The following TLL2 variants were observed in gnomAD, a reference collection of about 807,000 sequenced individuals.
TLL2 encodes tolloid-like protein 2.
A neutral mutation model predicts 123.0 loss-of-function variants in TLL2; 106 were observed. The ratio of observed to expected loss-of-function variants is 0.86; its 90% CI spans 0.74 to 1.01. The LOEUF is 1.01. TLL2 is among the 50% of genes least tolerant of loss of function. The pLI, the probability that TLL2 is intolerant of heterozygous loss-of-function variation, is 0.00. For missense variants in TLL2, 1,332 were observed against 1,336.7 expected (o/e 1.00, Z 0.06); for synonymous variants, 494 against 516.8 (o/e 0.96, Z 0.60).
Position 96,387,065 on chromosome 10 carries a change from A to G in TLL2, c.1740T>C (p.Cys580=), listed in dbSNP as rs762749311. 27 of 1,613,588 alleles carry G rather than the reference A, an allele frequency of 1.7e-5. No individual in the cohort carries two copies. Among genetic ancestry groups the G allele is most frequent in the Non-Finnish European group, 2.3e-5 (27 of 1,179,656 alleles). The change falls in exon 14 of 21, where the codon TGT becomes TGC. Residue 580 remains cysteine, a synonymous_variant. Transcript: ENST00000357947. ...CGCACCCGCCGTGATCTGGCCAGGA[A>G]CACTCATCCACCTCTGGTGGGGAAG... The part of the protein sequence containing the change: ...AANFFKEVDE[C]SWPDHGGCEH...
chr10:96,470,996 GA>G (rs1847176040), intron 2 of TLL2, among the ~76,000 whole-genome samples: 1 of 152,048 alleles, frequency 6.6e-6, no homozygotes, highest in Non-Finnish European at 1.5e-5. Context: ...GACAACTTGG[GA>G]AGTCTTTTTT....
chr10:96,419,580 C>T (rs1409235479), intron 7 of TLL2, among the ~76,000 whole-genome samples: 2 of 152,124 alleles, frequency 1.3e-5, no homozygotes, highest in Non-Finnish European at 2.9e-5. Flanking sequence ...CAAGTGCTGT[C>T]GAAGATGCCA....
At chr10:96,431,789 C>T (rs1050599599) in intron 4 of TLL2, among the ~76,000 whole-genome samples, 3 of 152,006 alleles carry the variant, frequency 2.0e-5, no homozygotes, top group Non-Finnish European at 4.4e-5. Flanking sequence ...GACAGGGAGG[C>T]GCTGGTGGGG....
rs1351768295 is a variant in TLL2 at position 96,411,012 on chromosome 10, CGGGT to C, written c.1049-542_1049-539del. Among the ~76,000 whole-genome samples the C allele has an allele frequency of 2.6e-5, 4 of 152,076 alleles. No homozygotes were observed. In the East Asian group the frequency reaches 7.7e-4, roughly 29 times the overall value. ...ATCTCAGCACTTTGGGAGGCCAAGG[CGGGT>C]GGGTCATTTGAGGTCAGGAGTTCGA... On this transcript the variant is annotated intron_variant, in intron 8 of 20. Transcript: ENST00000357947.
intron 3 of TLL2, 65 bp from the exon 4 acceptor site, chr10:96,433,027 T>A (rs757701350): frequency 3.2e-5 from 50 of 1,569,984 alleles, no homozygotes; most frequent in African/African-American, 4.0e-5. Flanking sequence ...ATGGCTGAGG[T>A]TGTATTATCC....
chr10:96,512,479 G>A (rs1181883009), intron 1 of TLL2, among the ~76,000 whole-genome samples: 1 of 152,152 alleles, frequency 6.6e-6, no homozygotes, highest in Admixed American at 6.5e-5. Context: ...CACAGCCCCG[G>A]GAAGGAGCAC....
At position 96,480,339 on chromosome 10, in the gene TLL2, C is replaced by G; in HGVS notation, c.286+10G>C. The G allele has an allele frequency of 6.2e-7, 1 of 1,611,594 alleles. No homozygotes were observed. Among genetic ancestry groups the G allele is most frequent in the Non-Finnish European group, 8.5e-7 (1 of 1,177,690 alleles). On this transcript the variant is annotated intron_variant, in intron 2 of 20. Coordinates refer to ENST00000357947, the MANE Select transcript of TLL2 (RefSeq NM_012465.4). Reference sequence around the variant, plus strand: ...CATCTGGGCAGGAGAAGGGAGGAAGCAGTACCTACCTGTGCTGTGTCCTGT... The same window carrying G: ...CATCTGGGCAGGAGAAGGGAGGAAGGAGTACCTACCTGTGCTGTGTCCTGT...
chr10:96,503,561 A>C (rs1847553468), intron 1 of TLL2, among the ~76,000 whole-genome samples: 1 of 152,172 alleles, frequency 6.6e-6, no homozygotes, highest in Admixed American at 6.5e-5. Flanking sequence ...TTATCAGCCA[A>C]GCCTCCTTGG....
chr10:96,391,780 G>A (rs1846291450), intron 13 of TLL2, among the ~76,000 whole-genome samples: 1 of 152,146 alleles, frequency 6.6e-6, no homozygotes, highest in Non-Finnish European at 1.5e-5. Context: ...CATGGTCAAG[G>A]TCAATGTTGT....
intron 1 of TLL2, among the ~76,000 whole-genome samples, chr10:96,484,590 TACACAC>T (rs56286214): frequency 0.19 from 28,326 of 145,810 alleles, 2,836 homozygotes; most frequent in East Asian, 0.41. Flanking sequence ...TACACATAAG[TACACAC>T]ACACACACAC....
At chr10:96,500,604 G>A (rs1847524940) in intron 1 of TLL2, among the ~76,000 whole-genome samples, 1 of 152,148 alleles carries the variant, frequency 6.6e-6, no homozygotes, top group South Asian at 2.1e-4. Flanking sequence ...GACCAGCCTA[G>A]GCAAAATGGC....
At chr10:96,399,226 A>C (rs1350931401) in intron 10 of TLL2, among the ~76,000 whole-genome samples, 1 of 152,094 alleles carries the variant, frequency 6.6e-6, no homozygotes, top group Admixed American at 6.5e-5. Flanking sequence ...CATGCTAAAA[A>C]CCATTGACTG....
At chr10:96,509,145 A>G (rs1301866814) in intron 1 of TLL2, among the ~76,000 whole-genome samples, 1 of 152,204 alleles carries the variant, frequency 6.6e-6, no homozygotes, top group African/African-American at 2.4e-5. Flanking sequence ...AGCCAGACAC[A>G]TGAGCGAATG....
intron 3 of TLL2, among the ~76,000 whole-genome samples, chr10:96,445,679 GA>G (rs1846891891): frequency 6.6e-6 from 1 of 152,168 alleles, no homozygotes; most frequent in African/African-American, 2.4e-5. Context: ...GCACAAGGCA[GA>G]AAAGTCCAGC....
In TLL2 at chr10:96,410,248, G is replaced by A. The variant is rs905645454; in HGVS notation, c.1164+111C>T. Reference sequence around the variant, plus strand: ...AACAGCACCATGCCTGGCATACAGTGGGTGCTTATAACCGAACAGCTGTTA... The same window carrying A: ...AACAGCACCATGCCTGGCATACAGTAGGTGCTTATAACCGAACAGCTGTTA... On this transcript the variant is annotated intron_variant, in intron 9 of 20. Coordinates refer to ENST00000357947, the MANE Select transcript of TLL2 (RefSeq NM_012465.4). The A allele has an allele frequency of 1.1e-5, 8 of 727,056 alleles. No homozygotes were observed. The African/African-American group carries it at 1.2e-4, about 11-fold the overall frequency. The allele number at this position is 727,056 out of a possible 1,614,324, so 45.0% of individuals were successfully genotyped here. A position where few individuals can be genotyped will look rare whatever the true frequency, so the allele number is the denominator to read the frequency against.
At chr10:96,513,232 C>G (rs957683867) in intron 1 of TLL2, among the ~76,000 whole-genome samples, 1 of 152,014 alleles carries the variant, frequency 6.6e-6, no homozygotes, top group Non-Finnish European at 1.5e-5. Context: ...CCACCCCGGC[C>G]CCTGGGCGCC....
rs1227979763 is a variant in TLL2 at position 96,364,642 on chromosome 10, A to G, written c.*3446T>C. 1.3e-5 allele frequency: 2 copies of G among 152,694 alleles called. 1 individual carries two copies. The highest frequency in any genetic ancestry group is 3.8e-4 in the East Asian group (2 of 5,208). The allele number at this position is 152,694 out of a possible 1,614,324, so 9.5% of individuals were successfully genotyped here. ...ATTCTTTAATGAAACCATCCGTTCT[A>G]GGTAGAGACATATGTTAGGTCCTCT... On this transcript the variant is annotated 3_prime_UTR_variant, in exon 21 of 21. Coordinates refer to ENST00000357947, the MANE Select transcript of TLL2 (RefSeq NM_012465.4).
At chr10:96,406,885 T>C (rs984386785) in intron 9 of TLL2, among the ~76,000 whole-genome samples, 3 of 152,100 alleles carry the variant, frequency 2.0e-5, no homozygotes, top group Admixed American at 6.5e-5. Flanking sequence ...CCATATCTGT[T>C]CAGCATCCAT....
chr10:96,441,642 G>A (rs1589423378), intron 3 of TLL2, among the ~76,000 whole-genome samples: 2 of 152,294 alleles, frequency 1.3e-5, no homozygotes, highest in South Asian at 4.1e-4. Flanking sequence ...CATGGCTTTG[G>A]ACAAATCACT....
Sources: gnomAD v4.1 joint callset for allele counts (sites outside exome capture counted in the v4.1 genomes callset) on GRCh38, gnomAD v4.1.1 for gene constraint, MANE v1.5 for transcripts, NCBI Gene and HGNC (gene_info 2026-07-23, HGNC 2026-07-21) for gene names.